Variants in STK3 observed in about 807,000 individuals in gnomAD.
STK3 encodes serine/threonine kinase 3, also known as serine/threonine-protein kinase 3.
A neutral mutation model predicts 58.0 loss-of-function variants in STK3; 41 were observed. The ratio of observed to expected loss-of-function variants is 0.71; its 90% CI spans 0.55 to 0.92. The LOEUF is 0.92. STK3 is among the 40% of genes least tolerant of loss of function. The pLI, the probability that STK3 is intolerant of heterozygous loss-of-function variation, is 0.00. For missense variants in STK3, 479 were observed against 602.7 expected (o/e 0.79, Z 2.15); for synonymous variants, 170 against 191.0 (o/e 0.89, Z 0.91).
intron 1 of STK3, among the ~76,000 whole-genome samples, chr8:98,385,460 C>T (rs1411681027): frequency 6.6e-6 from 1 of 152,088 alleles, no homozygotes; most frequent in Non-Finnish European, 1.5e-5. Flanking sequence ...ACGAGAAAGG[C>T]CTGAAAGAAC....
chr8:98,492,272 T>C (rs1254388558), intron 10 of STK3, among the ~76,000 whole-genome samples: 1 of 152,188 alleles, frequency 6.6e-6, no homozygotes, highest in East Asian at 1.9e-4. Context: ...AAGCAAGCAG[T>C]AATATGATAT....
intron 10 of STK3, among the ~76,000 whole-genome samples, chr8:98,525,317 G>T (rs1825667541): frequency 6.6e-6 from 1 of 151,744 alleles, no homozygotes; most frequent in African/African-American, 2.4e-5. Context: ...TTACCTAAAG[G>T]GTACAATGCA....
chr8:98,519,025 G>A (rs1354712984), intron 10 of STK3, among the ~76,000 whole-genome samples: 8 of 151,982 alleles, frequency 5.3e-5, no homozygotes, highest in Non-Finnish European at 1.2e-4. Flanking sequence ...TTCATACTTT[G>A]TTAATACTCT....
chr8:98,402,015 T>C (rs1177516646), intron 3 of STK3, among the ~76,000 whole-genome samples: 2 of 152,214 alleles, frequency 1.3e-5, no homozygotes, highest in East Asian at 3.8e-4. Flanking sequence ...ACTATTAATG[T>C]TTGGTAAACA....
upstream of STK3, among the ~76,000 whole-genome samples, chr8:98,392,044 A>T (rs1817852527): frequency 6.6e-6 from 1 of 152,144 alleles, no homozygotes. Flanking sequence ...TCATCTCCAT[A>T]CCTGTCTATC....
chr8:98,401,200 C>T (rs1338295506), downstream of STK3, among the ~76,000 whole-genome samples: 5 of 152,086 alleles, frequency 3.3e-5, no homozygotes, highest in Non-Finnish European at 7.4e-5. Flanking sequence ...GGAGAGAAAT[C>T]GCAAGAAGCC....
In STK3 at chr8:98,849,162, C is replaced by T. The variant is rs111606557; in HGVS notation, c.110+34485G>A. Among the ~76,000 whole-genome samples, 18 of 148,448 alleles carry T rather than the reference C, an allele frequency of 1.2e-4. 1 individual carries two copies. Among genetic ancestry groups the T allele is most frequent in the Middle Eastern group, 3.5e-3 (1 of 286 alleles). ...AATGGCGTGAACCCAAGAGGCGGAG[C>T]TTGCAGTGAGCCGAGATCACGCCAC... On this transcript the variant is annotated intron_variant, in intron 3 of 12. Coordinates refer to the STK3 transcript ENST00000523601.
intron 6 of STK3, among the ~76,000 whole-genome samples, chr8:98,655,551 C>G (rs1441283762): frequency 1.3e-5 from 2 of 151,670 alleles, no homozygotes; most frequent in African/African-American, 4.8e-5. Context: ...AACAGGCAAC[C>G]TACAACATGG....
chr8:98,350,788 C>T, the STK3 span, among the ~76,000 whole-genome samples: 2 of 152,138 alleles, frequency 1.3e-5, no homozygotes, highest in Admixed American at 6.5e-5. Context: ...GAAACTGCCC[C>T]CATGATTCAG....
intron 8 of STK3, among the ~76,000 whole-genome samples, chr8:98,577,209 G>A (rs550359994): frequency 2.0e-5 from 3 of 152,276 alleles, no homozygotes; most frequent in Admixed American, 6.5e-5. Flanking sequence ...AAACTGGGCC[G>A]GGCGCAGTGG....
intron 6 of STK3, among the ~76,000 whole-genome samples, chr8:98,631,493 TGCTCATTTACTTA>T (rs1819231083): frequency 6.6e-6 from 1 of 152,316 alleles, no homozygotes; most frequent in Admixed American, 6.5e-5. Flanking sequence ...AAATCTGCAT[TGCTCATTTACTTA>T]GCTCCTTCAC....
chr8:98,846,458 T>A (rs1372462041), intron 3 of STK3, among the ~76,000 whole-genome samples: 2 of 152,224 alleles, frequency 1.3e-5, no homozygotes, highest in East Asian at 3.8e-4. Context: ...GCAACTACTA[T>A]GTTCCAGACA....
In STK3 at chr8:98,428,423, C is replaced by T. The variant is rs747131439; in HGVS notation, n.483+5704G>A. 1.9e-6 allele frequency: 3 copies of T among 1,614,168 alleles called. No homozygotes were observed. Among genetic ancestry groups the T allele is most frequent in the South Asian group, 2.2e-5 (2 of 91,088 alleles). On this transcript the variant is annotated intron_variant and non_coding_transcript_variant, in intron 3 of 3. Coordinates refer to the STK3 transcript ENST00000517832. This position sits in a 1 kb window ranked among gnomAD's most constrained non-coding sequence, Gnocchi z 6.7. ...ACCAGGAGAGCACCACGTCTTCCTT[C>T]GATGAGATCCTTGCCTTCTACAACG...
intron 4 of STK3, among the ~76,000 whole-genome samples, chr8:98,740,886 A>G (rs1250605742): frequency 2.0e-5 from 3 of 152,160 alleles, no homozygotes. Context: ...CTCAAAATAA[A>G]AGGATGGAGG....
chr8:98,885,096 G>A (rs1564082046), intron 1 of STK3, among the ~76,000 whole-genome samples: 2 of 152,202 alleles, frequency 1.3e-5, no homozygotes, highest in Admixed American at 1.3e-4. Flanking sequence ...ATAACTCATT[G>A]TAACTGGCCA....
At chr8:98,876,972 C>T (rs957820632) in intron 3 of STK3, among the ~76,000 whole-genome samples, 3 of 152,114 alleles carry the variant, frequency 2.0e-5, no homozygotes, top group African/African-American at 7.2e-5. Flanking sequence ...AATTTTGTTC[C>T]GCCCAGAACA....
intron 9 of STK3, among the ~76,000 whole-genome samples, chr8:98,536,896 T>C (rs1809811839): frequency 6.6e-6 from 1 of 152,190 alleles, no homozygotes; most frequent in South Asian, 2.1e-4. Context: ...AGTCCACTAT[T>C]ATACAGAGTA....
chr8:98,847,654 G>C (rs918473301), intron 3 of STK3, among the ~76,000 whole-genome samples: 2 of 152,270 alleles, frequency 1.3e-5, no homozygotes, highest in Middle Eastern at 3.4e-3. Context: ...GTGTCTGGAG[G>C]AGGCCTGGGG....
chr8:98,887,239 C>A (rs1838024897), intron 1 of STK3, among the ~76,000 whole-genome samples: 1 of 152,144 alleles, frequency 6.6e-6, no homozygotes, highest in African/African-American at 2.4e-5. Flanking sequence ...AAACAACCAT[C>A]CATTTTCCCC....
Sources: gnomAD v4.1 joint callset for allele counts (sites outside exome capture counted in the v4.1 genomes callset) on GRCh38, gnomAD v4.1.1 for gene constraint, Gnocchi (gnomAD v3.1) non-coding constraint, MANE v1.5 for transcripts, NCBI Gene and HGNC (gene_info 2026-07-23, HGNC 2026-07-21) for gene names.